Variants in PTPRT observed in about 807,000 individuals in gnomAD.
PTPRT encodes protein tyrosine phosphatase receptor type T.
Under a neutral mutation model 176.8 loss-of-function variants are expected in PTPRT, and 56 were observed. That is an observed-to-expected ratio of 0.32 (90% CI 0.26 to 0.40). The LOEUF (loss-of-function observed/expected upper bound fraction) is 0.40, where lower values mean the gene tolerates loss of function less well. Among genes scored for constraint, PTPRT ranks in the 10% least tolerant of loss-of-function variants. The pLI is 1.00. For synonymous variants in PTPRT, 783 were observed against 739.0 expected (o/e 1.06, Z -0.96); for missense variants, 1,540 against 1,908.2 (o/e 0.81, Z 3.60).
At chr20:42,101,284 C>A (rs922881121) in intron 26 of PTPRT, among the ~76,000 whole-genome samples, 4 of 152,148 alleles carry the variant, frequency 2.6e-5, no homozygotes, top group Non-Finnish European at 5.9e-5. Flanking sequence ...GTGGGCTGTG[C>A]CACTAGCTCC....
chr20:43,045,188 C>T (rs1009019347), intron 1 of PTPRT, among the ~76,000 whole-genome samples: 5 of 152,194 alleles, frequency 3.3e-5, no homozygotes, highest in African/African-American at 7.2e-5. Context: ...AAACAGAGCA[C>T]CCAAGTCCAA....
chr20:42,575,969 C>T (rs2073252619), intron 7 of PTPRT, among the ~76,000 whole-genome samples: 1 of 152,154 alleles, frequency 6.6e-6, no homozygotes. Context: ...GATCCTGTCA[C>T]CTCTCTGCTT....
chr20:42,481,677 G>A (rs895061749), intron 7 of PTPRT, among the ~76,000 whole-genome samples: 4 of 151,122 alleles, frequency 2.6e-5, no homozygotes, highest in Non-Finnish European at 1.5e-5. Context: ...TGCCCAAGCG[G>A]GTCTCGAAAT....
At position 42,080,846 on chromosome 20, in the gene PTPRT, T is replaced by G. The variant is rs1414807423; in HGVS notation, c.*33A>C. On this transcript the variant is annotated 3_prime_UTR_variant, in exon 31 of 31. Coordinates refer to ENST00000373187, the MANE Select transcript of PTPRT (RefSeq NM_007050.6). ...AAAAGGGGGCTTGGTCACAGCAGCC[T>G]CTGGACTCCGGCAGGTTCCCCATCC... 6.3e-7 allele frequency: 1 copy of G among 1,590,890 alleles called. No individual in the cohort carries two copies. The highest frequency in any genetic ancestry group is 1.3e-5 in the African/African-American group (1 of 74,422).
intron 1 of PTPRT, among the ~76,000 whole-genome samples, chr20:43,027,321 C>T (rs1440344125): frequency 6.6e-6 from 1 of 151,902 alleles, no homozygotes; most frequent in African/African-American, 2.4e-5. Flanking sequence ...ATTAAAAATA[C>T]AAAAATTAGC....
intron 1 of PTPRT, among the ~76,000 whole-genome samples, chr20:42,933,029 C>G (rs1035073743): frequency 6.6e-6 from 1 of 152,174 alleles, no homozygotes; most frequent in African/African-American, 2.4e-5. Flanking sequence ...TATTTGGACC[C>G]ATCCCAGGCT....
intron 1 of PTPRT, among the ~76,000 whole-genome samples, chr20:43,179,043 C>T (rs2015185739): frequency 6.6e-6 from 1 of 152,164 alleles, no homozygotes; most frequent in African/African-American, 2.4e-5. Context: ...CCGAATGAAA[C>T]AATTAAACTG....
intron 17 of PTPRT, among the ~76,000 whole-genome samples, chr20:42,144,121 G>A (rs577107856): frequency 6.6e-6 from 1 of 152,258 alleles, no homozygotes; most frequent in South Asian, 2.1e-4. Flanking sequence ...GATGTGTGCA[G>A]GGCACCATCT....
intron 1 of PTPRT, among the ~76,000 whole-genome samples, chr20:43,122,756 G>C (rs1250310470): frequency 6.6e-6 from 1 of 152,142 alleles, no homozygotes; most frequent in Non-Finnish European, 1.5e-5. Flanking sequence ...AGTAGATGTT[G>C]GCACCATGCT....
intron 7 of PTPRT, among the ~76,000 whole-genome samples, chr20:42,613,121 C>T (rs1252735604): frequency 6.6e-6 from 1 of 152,132 alleles, no homozygotes; most frequent in African/African-American, 2.4e-5. Context: ...TGTTTCTGCT[C>T]AACAGTCTAT....
chr20:42,460,623 A>G (rs370230361), intron 8 of PTPRT, among the ~76,000 whole-genome samples: 15 of 152,320 alleles, frequency 9.8e-5, no homozygotes, highest in African/African-American at 3.6e-4. Context: ...TAATTAATTC[A>G]TGGGGGCCAT....
chr20:42,068,541 C>G (rs1452344769), downstream of PTPRT, among the ~76,000 whole-genome samples: 1 of 152,102 alleles, frequency 6.6e-6, no homozygotes, highest in Non-Finnish European at 1.5e-5. Context: ...ATTTCATCTC[C>G]CAGGAGATAG....
chr20:42,105,950 TA>T, intron 24 of PTPRT, among the ~76,000 whole-genome samples: 2 of 152,288 alleles, frequency 1.3e-5, no homozygotes, highest in South Asian at 4.1e-4. Flanking sequence ...ACAGGAATGA[TA>T]AGCCAAGGTA....
intron 1 of PTPRT, among the ~76,000 whole-genome samples, chr20:42,918,210 G>A (rs992957149): frequency 6.6e-6 from 1 of 152,142 alleles, no homozygotes; most frequent in African/African-American, 2.4e-5. Context: ...GCAACACAGT[G>A]GGTGGGTAAG....
chr20:42,038,334 G>A, the PTPRT span, among the ~76,000 whole-genome samples: 11 of 152,156 alleles, frequency 7.2e-5, no homozygotes, highest in Admixed American at 3.9e-4. Context: ...ACAAGTATAC[G>A]AGAAGGAAAC....
At chr20:42,972,604 A>G (rs1194709961) in intron 1 of PTPRT, among the ~76,000 whole-genome samples, 1 of 139,788 alleles carries the variant, frequency 7.2e-6, no homozygotes, top group Non-Finnish European at 1.5e-5. Flanking sequence ...CGGAGGTTGC[A>G]GTGAGTTGAG....
At chr20:42,211,305 T>C (rs2055621515) in intron 15 of PTPRT, among the ~76,000 whole-genome samples, 1 of 151,178 alleles carries the variant, frequency 6.6e-6, no homozygotes, top group Non-Finnish European at 1.5e-5. Flanking sequence ...TGGGATCTAA[T>C]TAAACTAAAG....
chr20:42,413,461 C>A (rs2059036111), intron 9 of PTPRT, among the ~76,000 whole-genome samples: 2 of 152,078 alleles, frequency 1.3e-5, no homozygotes, highest in South Asian at 4.1e-4. Context: ...ACCCCCATAG[C>A]AAAACTTAAC....
intron 7 of PTPRT, among the ~76,000 whole-genome samples, chr20:42,582,548 G>A (rs2073393854): frequency 6.6e-6 from 1 of 152,128 alleles, no homozygotes. Context: ...CCCTCACGTG[G>A]GTTGAGCCAG....
Sources: allele counts gnomAD v4.1 joint callset (sites outside exome capture counted in the v4.1 genomes callset), GRCh38; gene constraint gnomAD v4.1.1; transcripts MANE v1.5; gene names NCBI Gene and HGNC (gene_info 2026-07-23, HGNC 2026-07-21).